SLC24A3: variants seen among roughly 807,000 people sequenced by gnomAD.
SLC24A3 encodes the protein solute carrier family 24 member 3, also known as sodium/potassium/calcium exchanger 3.
A neutral mutation model predicts 75.8 loss-of-function variants in SLC24A3; 28 were observed. The observed-to-expected ratio is 0.37, with a 90% CI of 0.27 to 0.51. The LOEUF (loss-of-function observed/expected upper bound fraction) is 0.51, where lower values mean the gene tolerates loss of function less well. Among genes scored for constraint, SLC24A3 ranks in the 20% least tolerant of loss-of-function variants. The pLI is 0.94. For synonymous variants in SLC24A3, 372 were observed against 334.1 expected, an observed-to-expected ratio of 1.11 and a Z score of -1.24; for missense variants, 663 against 847.8, an observed-to-expected ratio of 0.78 and a Z score of 2.71.
chr20:19,466,233 C>A (rs1462343958), intron 2 of SLC24A3, among the ~76,000 whole-genome samples: 1 of 152,036 alleles, frequency 6.6e-6, no homozygotes, highest in Non-Finnish European at 1.5e-5. Flanking sequence ...AGGTTGATTC[C>A]TCCCATACCT....
intron 12 of SLC24A3, among the ~76,000 whole-genome samples, chr20:19,687,983 C>T (rs1379876145): frequency 6.6e-6 from 1 of 152,154 alleles, no homozygotes; most frequent in Non-Finnish European, 1.5e-5. Context: ...CCCCACATCC[C>T]CTCCTGTGTC....
intron 6 of SLC24A3, among the ~76,000 whole-genome samples, chr20:19,604,881 C>A (rs562169945): frequency 6.6e-6 from 1 of 152,282 alleles, no homozygotes; most frequent in South Asian, 2.1e-4. Context: ...TGCAGGTGGT[C>A]AGGCTTAACC....
At chr20:19,357,472 C>A (rs1219857733) in intron 2 of SLC24A3, among the ~76,000 whole-genome samples, 1 of 152,104 alleles carries the variant, frequency 6.6e-6, no homozygotes, top group Non-Finnish European at 1.5e-5. Flanking sequence ...ATCAACATTG[C>A]CTATTTTTTC....
In SLC24A3 at chr20:19,368,101, AGT is replaced by A. The variant is rs111902133; in HGVS notation, c.271+87031_271+87032del. Among the ~76,000 whole-genome samples the A allele has an allele frequency of 2.7e-4, 41 of 150,964 alleles. No homozygotes were observed. In the Middle Eastern group the frequency reaches 0.01, roughly 38 times the overall value. On this transcript the variant is annotated intron_variant, in intron 2 of 16. Coordinates refer to ENST00000328041, the MANE Select transcript of SLC24A3 (RefSeq NM_020689.4). ...GGCTGTGAGGGTGTGTATGAATGTG[AGT>A]GTGTGTGTGTGTGTGTCCACGTGCA...
rs563149995 is a variant in SLC24A3, at chr20:19,217,952, G to A, written c.142+4968G>A. Among the ~76,000 whole-genome samples the A allele has an allele frequency of 1.4e-4, 21 of 152,202 alleles. 1 individual carries two copies. The South Asian group carries it at 4.4e-3, about 32-fold the overall frequency. On this transcript the variant is annotated intron_variant, in intron 1 of 16. Transcript: ENST00000328041. ...AGCATTTATCACAGTTGGTAATTAT[G>A]TGTTTATTTGGTCATGATTTGGGTG...
At chr20:19,486,850 G>C (rs993700887) in intron 2 of SLC24A3, among the ~76,000 whole-genome samples, 2 of 152,192 alleles carry the variant, frequency 1.3e-5, no homozygotes, top group African/African-American at 4.8e-5. Flanking sequence ...ATAAAGACGT[G>C]CTACTGCATA....
At chr20:19,522,157 A>G (rs1175160827) in intron 3 of SLC24A3, among the ~76,000 whole-genome samples, 1 of 152,200 alleles carries the variant, frequency 6.6e-6, no homozygotes, top group Non-Finnish European at 1.5e-5. Context: ...AGATAGCCAC[A>G]TGTAGCTAGG....
intron 2 of SLC24A3, among the ~76,000 whole-genome samples, chr20:19,479,165 G>T (rs1988009456): frequency 6.6e-6 from 1 of 152,224 alleles, no homozygotes; most frequent in Non-Finnish European, 1.5e-5. Context: ...AGTACCAGTT[G>T]TCTTAGCCTT....
chr20:19,291,907 A>G (rs1983951632), intron 2 of SLC24A3, among the ~76,000 whole-genome samples: 1 of 152,230 alleles, frequency 6.6e-6, no homozygotes. Context: ...AGCAGGCTGG[A>G]CTCAGTGAAG....
chr20:19,679,001 C>T (rs1372069044), intron 9 of SLC24A3, among the ~76,000 whole-genome samples: 1 of 151,386 alleles, frequency 6.6e-6, no homozygotes, highest in Non-Finnish European at 1.5e-5. Flanking sequence ...CGGGCAGAGA[C>T]GCTCCTCACT....
intron 7 of SLC24A3, among the ~76,000 whole-genome samples, chr20:19,661,365 C>T (rs2032324162): frequency 6.6e-6 from 1 of 152,158 alleles, no homozygotes; most frequent in South Asian, 2.1e-4. Context: ...ATAAGTGATA[C>T]TGGTGCCTAA....
intron 6 of SLC24A3, among the ~76,000 whole-genome samples, chr20:19,613,328 T>C (rs780108234): frequency 5.9e-5 from 9 of 152,204 alleles, no homozygotes; most frequent in Non-Finnish European, 1.3e-4. Context: ...CCAAAATCCA[T>C]TTGGTGGCTG....
chr20:19,263,770 C>T (rs1015878048), intron 1 of SLC24A3, among the ~76,000 whole-genome samples: 2 of 152,184 alleles, frequency 1.3e-5, no homozygotes, highest in African/African-American at 4.8e-5. Flanking sequence ...AAGTTGCAAG[C>T]AATGGGCCAA....
chr20:19,711,532 A>G (rs535490555), intron 15 of SLC24A3, among the ~76,000 whole-genome samples: 4 of 151,324 alleles, frequency 2.6e-5, no homozygotes, highest in African/African-American at 9.7e-5. Flanking sequence ...AAACACACAC[A>G]TGCATGCAAA....
intron 2 of SLC24A3, among the ~76,000 whole-genome samples, chr20:19,368,698 CAGCAGTGT>C (rs915351526): frequency 1.4e-4 from 22 of 152,344 alleles, no homozygotes; most frequent in Middle Eastern, 3.4e-3. Context: ...CCCCAATACC[CAGCAGTGT>C]AGCCAAATGA....
chr20:19,495,930 T>A (rs1988278424), intron 2 of SLC24A3, among the ~76,000 whole-genome samples: 2 of 152,238 alleles, frequency 1.3e-5, no homozygotes, highest in Non-Finnish European at 2.9e-5. Flanking sequence ...GTGGATTCTG[T>A]TTGGCTCTTT....
intron 2 of SLC24A3, among the ~76,000 whole-genome samples, chr20:19,390,062 GT>G (rs778621368): frequency 1.1e-4 from 17 of 151,942 alleles, no homozygotes; most frequent in Non-Finnish European, 2.2e-4. Context: ...AATTTTTGTT[GT>G]TTCCTTTTTA....
intron 6 of SLC24A3, among the ~76,000 whole-genome samples, chr20:19,638,903 G>A (rs932646965): frequency 6.6e-6 from 1 of 152,120 alleles, no homozygotes; most frequent in Admixed American, 6.5e-5. Context: ...CCTTCGCAGT[G>A]AGTATTACAG....
At chr20:19,677,699 T>A (rs1395140227) in intron 9 of SLC24A3, among the ~76,000 whole-genome samples, 1 of 150,528 alleles carries the variant, frequency 6.6e-6, no homozygotes, top group Admixed American at 6.6e-5. Flanking sequence ...TTTTTTTTTT[T>A]TTTTTTTAAT....
Sources: allele counts gnomAD v4.1 joint callset (sites outside exome capture counted in the v4.1 genomes callset), GRCh38; gene constraint gnomAD v4.1.1; transcripts MANE v1.5; gene names NCBI Gene and HGNC (gene_info 2026-07-23, HGNC 2026-07-21).